ROBO2: variants seen among roughly 807,000 people sequenced by gnomAD.
The protein encoded by ROBO2 is roundabout homolog 2.
In ROBO2, 53 loss-of-function variants were observed where a neutral mutation model predicts 160.8. That is an observed-to-expected ratio of 0.33 (90% CI 0.26 to 0.41). The LOEUF (loss-of-function observed/expected upper bound fraction) is 0.41. Among genes scored for constraint, ROBO2 ranks in the 10% least tolerant of loss-of-function variants. The probability of loss-of-function intolerance (pLI) is 1.00; values close to 1 mark genes in which losing one functional copy is unlikely to be tolerated. For synonymous variants in ROBO2, 664 were observed against 611.7 expected (o/e 1.09, Z -1.26); for missense variants, 1,577 against 1,722.4 (o/e 0.92, Z 1.49).
intron 2 of ROBO2, among the ~76,000 whole-genome samples, chr3:76,099,737 T>C (rs1318813747): frequency 6.6e-6 from 1 of 152,150 alleles, no homozygotes; most frequent in Non-Finnish European, 1.5e-5. Context: ...CTTATTAAAA[T>C]GTTTTGGAAT....
intron 2 of ROBO2, among the ~76,000 whole-genome samples, chr3:76,759,358 CA>C (rs1048760125): frequency 6.6e-6 from 1 of 151,666 alleles, no homozygotes; most frequent in African/African-American, 2.4e-5. Flanking sequence ...ATACAAAATC[CA>C]AATATTTTTT....
intron 4 of ROBO2, among the ~76,000 whole-genome samples, chr3:77,491,768 T>G (rs1233762198): frequency 6.6e-6 from 1 of 152,172 alleles, no homozygotes; most frequent in African/African-American, 2.4e-5. Flanking sequence ...CTATTTGTCT[T>G]GTTTTATTGC....
At chr3:77,245,107 G>T (rs560574142) in intron 2 of ROBO2, among the ~76,000 whole-genome samples, 1 of 151,936 alleles carries the variant, frequency 6.6e-6, no homozygotes, top group South Asian at 2.1e-4. Context: ...TAACAAGTTG[G>T]GTGTCTCATT....
intron 2 of ROBO2, among the ~76,000 whole-genome samples, chr3:76,478,232 T>A (rs895208720): frequency 3.0e-5 from 4 of 133,922 alleles, no homozygotes; most frequent in Non-Finnish European, 6.2e-5. Context: ...CCTGTGTCCA[T>A]GTGTTCTTAT....
At chr3:76,548,228 CAACA>C (rs758779174) in intron 2 of ROBO2, among the ~76,000 whole-genome samples, 3 of 152,250 alleles carry the variant, frequency 2.0e-5, no homozygotes, top group African/African-American at 4.8e-5. Flanking sequence ...TCAATTCATT[CAACA>C]AACAGTCATT....
intron 2 of ROBO2, among the ~76,000 whole-genome samples, chr3:76,899,574 T>A (rs1240983691): frequency 6.6e-6 from 1 of 152,208 alleles, no homozygotes; most frequent in Non-Finnish European, 1.5e-5. Flanking sequence ...AGGATAATGC[T>A]TTAATTTATA....
intron 2 of ROBO2, among the ~76,000 whole-genome samples, chr3:77,292,524 T>C (rs1239667630): frequency 7.6e-5 from 11 of 143,796 alleles, no homozygotes; most frequent in East Asian, 6.5e-4. Flanking sequence ...GATGGTTAAA[T>C]GGGTAAGCTG....
intron 24 of ROBO2, among the ~76,000 whole-genome samples, chr3:77,639,277 C>T (rs190674059): frequency 9.9e-5 from 15 of 152,174 alleles, no homozygotes; most frequent in South Asian, 4.1e-4. Context: ...ATATAATAGA[C>T]AATGGGAGCC....
rs1440395230 is a variant in ROBO2 at position 76,049,383 on chromosome 3, G to GTGTGTGTATATATATATATATATATATA, written c.109+111782_109+111783insGTGTGTATATATATATATATATATATAT. ...ATGCCACCACCCCTGGCTAATTTTA[G>GTGTGTGTATATATATATATATATATATA]TATATATATATATATATATATTTTT... On this transcript the variant is annotated intron_variant, in intron 2 of 26. Transcript: ENST00000487694. Among the ~76,000 whole-genome samples, 8 of 36,822 alleles carry GTGTGTGTATATATATATATATATATATA rather than the reference G, an allele frequency of 2.2e-4. 1 individual carries two copies. Among genetic ancestry groups the GTGTGTGTATATATATATATATATATATA allele is most frequent in the African/African-American group, 9.0e-4 (8 of 8,876 alleles). The allele number at this position is 36,822 out of a possible 152,430, so 24.2% of individuals were successfully genotyped here.
At chr3:76,840,762 A>G (rs1036039272) in intron 2 of ROBO2, among the ~76,000 whole-genome samples, 8 of 151,618 alleles carry the variant, frequency 5.3e-5, no homozygotes, top group Non-Finnish European at 7.4e-5. Flanking sequence ...AAAATGAACA[A>G]CAGAAAATAT....
intron 2 of ROBO2, among the ~76,000 whole-genome samples, chr3:77,238,082 A>AC (rs1553863078): frequency 8.6e-5 from 13 of 151,276 alleles, no homozygotes; most frequent in Non-Finnish European, 1.5e-4. Flanking sequence ...TTCTAATCAG[A>AC]TTTTTTTTTG....
chr3:77,053,124 T>G (rs927692258), intron 1 of ROBO2, among the ~76,000 whole-genome samples: 6 of 152,234 alleles, frequency 3.9e-5, no homozygotes, highest in Non-Finnish European at 5.9e-5. Flanking sequence ...TCAAGGTTTA[T>G]TAAACTTGTC....
intron 2 of ROBO2, among the ~76,000 whole-genome samples, chr3:77,113,565 A>G (rs2073896990): frequency 6.6e-6 from 1 of 152,148 alleles, no homozygotes; most frequent in South Asian, 2.1e-4. Flanking sequence ...ACCCAATGGC[A>G]ATAACCCATT....
At position 77,404,171 on chromosome 3, in the gene ROBO2, A is replaced by G. The variant is rs141453134; in HGVS notation, c.389-73243A>G. On this transcript the variant is annotated intron_variant, in intron 2 of 25. Coordinates refer to ENST00000461745, the Ensembl canonical transcript of ROBO2. Reference sequence around the variant, plus strand: ...TTTAAATAAGCATAGGGCATGGGGAAATTATTAAAATAGAGCAAAGCCTTA... The same window carrying G: ...TTTAAATAAGCATAGGGCATGGGGAGATTATTAAAATAGAGCAAAGCCTTA... Among the ~76,000 whole-genome samples the G allele has an allele frequency of 2.7e-3, 413 of 152,296 alleles. 1 individual carries two copies. Among genetic ancestry groups the G allele is most frequent in the African/African-American group, 9.3e-3 (388 of 41,568 alleles).
chr3:76,159,808 A>G (rs2072551306), intron 2 of ROBO2, among the ~76,000 whole-genome samples: 1 of 152,172 alleles, frequency 6.6e-6, no homozygotes, highest in Non-Finnish European at 1.5e-5. Flanking sequence ...AGCCTTTGAA[A>G]TAGGAATGTA....
chr3:76,760,683 G>T (rs11127559), intron 2 of ROBO2, among the ~76,000 whole-genome samples: 48,433 of 150,588 alleles, frequency 0.32, 9,455 homozygotes, highest in Non-Finnish European at 0.43. Context: ...TGGGGGAAAT[G>T]AATGGATTAG....
At chr3:77,003,413 G>T (rs2061425484) in intron 2 of ROBO2, among the ~76,000 whole-genome samples, 1 of 152,194 alleles carries the variant, frequency 6.6e-6, no homozygotes, top group South Asian at 2.1e-4. Flanking sequence ...GGTTTGAAAA[G>T]TGTGTTGTAC....
At chr3:76,582,156 G>A (rs2085743430) in intron 2 of ROBO2, among the ~76,000 whole-genome samples, 1 of 152,124 alleles carries the variant, frequency 6.6e-6, no homozygotes, top group Non-Finnish European at 1.5e-5. Context: ...AAGTGAGTTG[G>A]AGTTCCTTAA....
chr3:76,114,390 T>C (rs572906098), intron 2 of ROBO2, among the ~76,000 whole-genome samples: 5 of 152,246 alleles, frequency 3.3e-5, no homozygotes, highest in African/African-American at 1.2e-4. Context: ...TTGTGATCAT[T>C]AGCTGCAAAC....
Sources: gnomAD v4.1 joint callset for allele counts (sites outside exome capture counted in the v4.1 genomes callset) on GRCh38, gnomAD v4.1.1 for gene constraint, MANE v1.5 for transcripts, NCBI Gene and HGNC (gene_info 2026-07-23, HGNC 2026-07-21) for gene names.